Variants in DHRSX observed in about 807,000 individuals in gnomAD.
DHRSX encodes the protein polyprenol dehydrogenase.
In DHRSX, 31 loss-of-function variants were observed where a neutral mutation model predicts 34.0. That is an observed-to-expected ratio of 0.91 (90% CI 0.69 to 1.23). DHRSX has a LOEUF of 1.23. Ranked by LOEUF, DHRSX falls within the 50% of genes most tolerant of loss-of-function variation. DHRSX has a pLI of 0.00. For missense variants in DHRSX, 414 were observed against 428.1 expected, an observed-to-expected ratio of 0.97 and a Z score of 0.29; for synonymous variants, 201 against 183.8, an observed-to-expected ratio of 1.09 and a Z score of -0.76.
rs139652533 is a variant in DHRSX, at chrX:2,454,476, G to A, written c.110-29172C>T. 9.9e-3 allele frequency among the ~76,000 whole-genome samples: 1,493 copies of A among 151,016 alleles called. 12 individuals are homozygous for A. The highest frequency in any genetic ancestry group is 0.032 in the African/African-American group (1,331 of 41,006). ...CGGGAGATGTTGGCTGCAGTGAGCC[G>A]AGATTGAGCTATTGCACTCCGGCCT... is the stretch of plus-strand genomic sequence containing the variant. On this transcript the variant is annotated intron_variant, in intron 1 of 6. Transcript: ENST00000334651.
intron 2 of DHRSX, among the ~76,000 whole-genome samples, chrX:2,409,472 G>A (rs2043599575): frequency 6.6e-6 from 1 of 152,058 alleles, no homozygotes; most frequent in African/African-American, 2.4e-5. Flanking sequence ...TCCCCTCCCT[G>A]TGTCCATGCG....
At chrX:2,369,487 T>TG (rs948411449) in intron 3 of DHRSX, among the ~76,000 whole-genome samples, 5 of 118,406 alleles carry the variant, frequency 4.2e-5, no homozygotes, top group African/African-American at 1.6e-4. Flanking sequence ...GTTTAGTTTT[T>TG]GTTTTTTTTT....
intron 3 of DHRSX, among the ~76,000 whole-genome samples, chrX:2,311,044 A>T (rs2042158414): frequency 7.1e-6 from 1 of 141,488 alleles, no homozygotes; most frequent in Admixed American, 7.4e-5. Context: ...CTGAATGAGA[A>T]GAACAACACT....
At chrX:2,316,746 T>C (rs894046498) in intron 3 of DHRSX, among the ~76,000 whole-genome samples, 15 of 152,194 alleles carry the variant, frequency 9.9e-5, no homozygotes, top group African/African-American at 3.4e-4. Context: ...TGGAGTTATT[T>C]ATATCCTACT....
chrX:2,258,111 A>G (rs1369751222), intron 5 of DHRSX, among the ~76,000 whole-genome samples: 1 of 152,084 alleles, frequency 6.6e-6, no homozygotes, highest in African/African-American at 2.4e-5. Flanking sequence ...CCTGAGGAGG[A>G]ACCAGCCCTG....
At position 2,266,913 on chromosome X, in the gene DHRSX, T is replaced by G; in HGVS notation, c.423A>C (p.Arg141Ser). ...GGCCGAAATGTTCTTCGAATCCATC[T>G]CTGGTTTTCCTCTGAGGGACCATCA... ...GVMMVPQRKT[R>S]DGFEEHFGLN... The change falls in exon 5 of 7, where the codon AGA (arginine) becomes AGC (serine). Residue 141 changes from arginine (R) to serine (S), a missense_variant. Transcript: ENST00000334651. 1 of 1,613,950 alleles carries G rather than the reference T, an allele frequency of 6.2e-7. No individual in the cohort carries two copies. Among genetic ancestry groups the G allele is most frequent in the Non-Finnish European group, 8.5e-7 (1 of 1,179,862 alleles).
chrX:2,369,495 T>G (rs930460901), intron 3 of DHRSX, among the ~76,000 whole-genome samples: 3 of 151,814 alleles, frequency 2.0e-5, no homozygotes, highest in African/African-American at 4.8e-5. Flanking sequence ...TTTGTTTTTT[T>G]TTGTTTGTTT....
At chrX:2,484,224 C>T (rs1230950236) in intron 1 of DHRSX, among the ~76,000 whole-genome samples, 2 of 152,184 alleles carry the variant, frequency 1.3e-5, no homozygotes, top group African/African-American at 2.4e-5. Context: ...CCACCCGCCT[C>T]GGCCTCCCAA....
At chrX:2,364,261 T>C (rs1254907807) in intron 3 of DHRSX, among the ~76,000 whole-genome samples, 2 of 152,080 alleles carry the variant, frequency 1.3e-5, no homozygotes, top group African/African-American at 4.8e-5. Flanking sequence ...CATATAGAAA[T>C]GTCTGGAGGT....
At chrX:2,252,037 A>C (rs1443032711) in intron 5 of DHRSX, among the ~76,000 whole-genome samples, 1 of 152,060 alleles carries the variant, frequency 6.6e-6, no homozygotes, top group Non-Finnish European at 1.5e-5. Context: ...CAGGAGTTCG[A>C]GACTAGCCTG....
intron 3 of DHRSX, among the ~76,000 whole-genome samples, chrX:2,294,911 G>A (rs889255596): frequency 1.3e-5 from 2 of 152,124 alleles, no homozygotes; most frequent in African/African-American, 4.8e-5. Context: ...ATTCCTTACT[G>A]TATAAGGAGA....
chrX:2,410,327 CA>C (rs1414102287), intron 2 of DHRSX, among the ~76,000 whole-genome samples: 1 of 152,096 alleles, frequency 6.6e-6, no homozygotes. Context: ...TGAGAACTAG[CA>C]GGGGAAGCGC....
At chrX:2,247,974 T>C (rs547107119) in intron 5 of DHRSX, among the ~76,000 whole-genome samples, 82 of 152,180 alleles carry the variant, frequency 5.4e-4, no homozygotes, top group African/African-American at 1.9e-3. Context: ...TAAGTTTCCC[T>C]ACACCCTGAG....
chrX:2,306,300 T>A (rs1318786895), intron 3 of DHRSX, among the ~76,000 whole-genome samples: 1 of 151,560 alleles, frequency 6.6e-6, no homozygotes, highest in Non-Finnish European at 1.5e-5. Context: ...ATGGCTGGCA[T>A]CACTAGGGGA....
chrX:2,365,141 T>A (rs762468981), intron 3 of DHRSX, among the ~76,000 whole-genome samples: 1 of 152,168 alleles, frequency 6.6e-6, no homozygotes, highest in African/African-American at 2.4e-5. Context: ...CAAAAGAAAC[T>A]ATCATCAGAG....
chrX:2,362,128 G>C (rs978158077), intron 3 of DHRSX, among the ~76,000 whole-genome samples: 7 of 152,186 alleles, frequency 4.6e-5, no homozygotes, highest in Admixed American at 1.3e-4. Context: ...AAGAGCCCTA[G>C]AGAGAGTGGG....
intron 3 of DHRSX, among the ~76,000 whole-genome samples, chrX:2,359,021 A>G (rs951508080): frequency 2.0e-5 from 3 of 152,050 alleles, no homozygotes; most frequent in African/African-American, 7.2e-5. Flanking sequence ...ACTGCTCATT[A>G]GAGACACGCA....
intron 1 of DHRSX, among the ~76,000 whole-genome samples, chrX:2,482,320 G>C (rs1309733880): frequency 6.6e-6 from 1 of 151,946 alleles, no homozygotes; most frequent in African/African-American, 2.4e-5. Flanking sequence ...CTAGAGACAA[G>C]GTCTCAGTAT....
chrX:2,247,602 C>T (rs750566157), intron 5 of DHRSX, among the ~76,000 whole-genome samples: 2 of 144,198 alleles, frequency 1.4e-5, no homozygotes, highest in South Asian at 2.2e-4. Context: ...TGCAGTGAGC[C>T]GAGATTGCGC....
Sources: gnomAD v4.1 joint callset for allele counts (sites outside exome capture counted in the v4.1 genomes callset) on GRCh38, gnomAD v4.1.1 for gene constraint, MANE v1.5 for transcripts, NCBI Gene and HGNC (gene_info 2026-07-23, HGNC 2026-07-21) for gene names.